The following TYW1B variants were observed in gnomAD, a reference collection of about 807,000 sequenced individuals.
TYW1B encodes the protein S-adenosyl-L-methionine-dependent tRNA 4-demethylwyosine synthase TYW1B.
TYW1B carries 73 observed loss-of-function variants against 86.9 expected under a neutral mutation model. That is an observed-to-expected ratio of 0.84 (90% confidence interval 0.70 to 1.02). TYW1B has a LOEUF of 1.02. Among genes scored for constraint, TYW1B ranks in the 50% least tolerant of loss-of-function variants. The pLI, the probability that TYW1B is intolerant of heterozygous loss-of-function variation, is 0.00. For missense variants in TYW1B, 637 were observed against 827.4 expected (o/e 0.77, Z 2.82); for synonymous variants, 248 against 292.8 (o/e 0.85, Z 1.56).
rs570767749 is a variant in TYW1B, at chr7:72,622,697, AACACACACATGC to A, written c.1618-5870_1618-5859del. On this transcript the variant is annotated intron_variant, in intron 12 of 13. Coordinates refer to ENST00000620995, the MANE Select transcript of TYW1B (RefSeq NM_001145440.3). ...ACACATAACACATACACATGCACAC[AACACACACATGC>A]ACACACACAACACACATACATGCAC... Among the ~76,000 whole-genome samples, 844 of 148,866 alleles carry A rather than the reference AACACACACATGC, an allele frequency of 5.7e-3. 3 individuals carry two copies. Among genetic ancestry groups the A allele is most frequent in the Non-Finnish European group, 9.0e-3 (608 of 67,784 alleles).
At chr7:72,793,065 A>T (rs1157005098) in intron 6 of TYW1B, among the ~76,000 whole-genome samples, 3 of 152,200 alleles carry the variant, frequency 2.0e-5, no homozygotes, top group Non-Finnish European at 4.4e-5. Context: ...GAGGCCAGGC[A>T]CGGTGGCTCT....
chr7:72,819,573 C>A (rs1788790307), intron 2 of TYW1B, among the ~76,000 whole-genome samples: 1 of 152,076 alleles, frequency 6.6e-6, no homozygotes, highest in Non-Finnish European at 1.5e-5. Context: ...GCTAGGACTA[C>A]AGGCACACGC....
intron 9 of TYW1B, among the ~76,000 whole-genome samples, chr7:72,722,527 T>C (rs1191828614): frequency 2.0e-5 from 3 of 152,158 alleles, no homozygotes; most frequent in Admixed American, 6.6e-5. Context: ...TTTTAATCAA[T>C]GCAAAGTTAA....
intron 13 of TYW1B, among the ~76,000 whole-genome samples, chr7:72,575,958 C>T (rs1162599825): frequency 2.0e-5 from 3 of 152,180 alleles, no homozygotes; most frequent in African/African-American, 4.8e-5. Flanking sequence ...TTGCTGGGCC[C>T]GGAAGACAAG....
intron 12 of TYW1B, among the ~76,000 whole-genome samples, chr7:72,619,764 T>A (rs1812171553): frequency 6.6e-6 from 1 of 152,078 alleles, no homozygotes; most frequent in South Asian, 2.1e-4. Flanking sequence ...CATAAAAGTG[T>A]ACTCTATCTC....
intron 9 of TYW1B, among the ~76,000 whole-genome samples, chr7:72,721,992 C>A (rs546851393): frequency 6.6e-6 from 1 of 152,102 alleles, no homozygotes; most frequent in Non-Finnish European, 1.5e-5. Flanking sequence ...AAAGTTTGGG[C>A]CGATCAGAAA....
intron 6 of TYW1B, among the ~76,000 whole-genome samples, chr7:72,797,333 C>T (rs151125052): frequency 1.9e-3 from 284 of 152,192 alleles, no homozygotes; most frequent in African/African-American, 6.5e-3. Flanking sequence ...TGATGGGATA[C>T]CAATAAAAAC....
chr7:72,598,211 C>A (rs1490586771), intron 13 of TYW1B, among the ~76,000 whole-genome samples: 5 of 152,126 alleles, frequency 3.3e-5, no homozygotes, highest in African/African-American at 9.7e-5. Flanking sequence ...AAAGGTGAGA[C>A]GGGCCTAGCC....
chr7:72,700,833 G>A (rs1224348921), intron 10 of TYW1B, among the ~76,000 whole-genome samples: 5 of 152,090 alleles, frequency 3.3e-5, no homozygotes, highest in South Asian at 4.1e-4. Flanking sequence ...TTGGGAGGGC[G>A]AGGGGGGCAG....
chr7:72,647,230 C>A (rs1283915106), intron 11 of TYW1B, among the ~76,000 whole-genome samples: 3 of 152,092 alleles, frequency 2.0e-5, no homozygotes, highest in East Asian at 3.8e-4. Context: ...GCACGACAGG[C>A]ATATTTGTTC....
rs372303269 is a variant in TYW1B, at chr7:72,720,607, A to C, written c.1193-6809T>G. 8.5e-5 allele frequency among the ~76,000 whole-genome samples: 13 copies of C among 152,226 alleles called. No individual in the cohort carries two copies. In the South Asian group the frequency reaches 2.7e-3, roughly 32 times the overall value. On this transcript the variant is annotated intron_variant, in intron 9 of 13. Coordinates refer to ENST00000620995, the MANE Select transcript of TYW1B (RefSeq NM_001145440.3). ...GTAAAACCTTGGTTCTCTCCTTCCT[A>C]AGAGCATGTTTCTATTTCTTGCTCT...
At position 72,821,132 on chromosome 7, in the gene TYW1B, C is replaced by T. The variant is rs1421247184; in HGVS notation, c.136-5651G>A. Among the ~76,000 whole-genome samples the T allele has an allele frequency of 3.3e-5, 5 of 152,298 alleles. No individual in the cohort carries two copies. In the East Asian group the frequency reaches 9.6e-4, roughly 29 times the overall value. On this transcript the variant is annotated intron_variant, in intron 2 of 13. Coordinates refer to ENST00000620995, the MANE Select transcript of TYW1B (RefSeq NM_001145440.3). ...GGATTACAGGCATGTGCCACCACAC[C>T]AGGCTAATTTTTGTATTTTTTAGTA...
At chr7:72,609,044 A>C (rs560570484) in intron 13 of TYW1B, among the ~76,000 whole-genome samples, 159 of 152,338 alleles carry the variant, frequency 1.0e-3, no homozygotes, top group African/African-American at 3.7e-3. Flanking sequence ...ATAACGTACT[A>C]TGATCACGTA....
intron 13 of TYW1B, among the ~76,000 whole-genome samples, chr7:72,586,586 A>T (rs1554430536): frequency 6.6e-6 from 1 of 151,896 alleles, no homozygotes; most frequent in Non-Finnish European, 1.5e-5. Flanking sequence ...AAAATACAAA[A>T]ATTAGCCAGG....
chr7:72,679,261 T>C (rs1195754846), intron 11 of TYW1B, among the ~76,000 whole-genome samples: 1 of 152,200 alleles, frequency 6.6e-6, no homozygotes, highest in African/African-American at 2.4e-5. Flanking sequence ...TATCCTATGA[T>C]CCAGCAACTT....
At chr7:72,580,241 G>GA (rs1371991752) in intron 13 of TYW1B, among the ~76,000 whole-genome samples, 11 of 152,096 alleles carry the variant, frequency 7.2e-5, no homozygotes, top group South Asian at 6.2e-4. Context: ...TCACAGCTCA[G>GA]AAAAAATCAA....
chr7:72,799,079 G>C (rs1554475135), intron 6 of TYW1B, among the ~76,000 whole-genome samples: 1 of 150,500 alleles, frequency 6.6e-6, no homozygotes, highest in Non-Finnish European at 1.5e-5. Flanking sequence ...CTGACCTCAA[G>C]TGATCCACCT....
intron 2 of TYW1B, among the ~76,000 whole-genome samples, chr7:72,823,804 T>A (rs868937904): frequency 6.6e-6 from 1 of 152,138 alleles, no homozygotes; most frequent in African/African-American, 2.4e-5. Flanking sequence ...CAATAACTTT[T>A]ATGTAATGTT....
At chr7:72,799,464 G>A (rs1281917742) in intron 6 of TYW1B, among the ~76,000 whole-genome samples, 6 of 150,454 alleles carry the variant, frequency 4.0e-5, no homozygotes, top group African/African-American at 1.2e-4. Context: ...CATCCAGTCA[G>A]GTCTGCCTTT....
Sources: allele counts gnomAD v4.1 joint callset (sites outside exome capture counted in the v4.1 genomes callset), GRCh38; gene constraint gnomAD v4.1.1; transcripts MANE v1.5; gene names NCBI Gene and HGNC (gene_info 2026-07-23, HGNC 2026-07-21).